The following BUD13 variants were observed in gnomAD, a reference collection of about 807,000 sequenced individuals.
BUD13 encodes the protein BUD13 spliceosome associated protein.
Under a neutral mutation model 62.5 loss-of-function variants are expected in BUD13, and 47 were observed. The observed-to-expected ratio is 0.75, with a 90% CI of 0.60 to 0.96. The LOEUF (loss-of-function observed/expected upper bound fraction) is 0.96, where lower values mean the gene tolerates loss of function less well. BUD13 is among the 40% of genes least tolerant of loss of function. BUD13 has a pLI of 0.00. For missense variants in BUD13, 821 were observed against 790.9 expected (o/e 1.04, Z -0.46); for synonymous variants, 293 against 280.1 (o/e 1.05, Z -0.46).
chr11:116,753,154 T>C (rs1398800356), intron 9 of BUD13, among the ~76,000 whole-genome samples: 1 of 152,194 alleles, frequency 6.6e-6, no homozygotes, highest in Non-Finnish European at 1.5e-5. Context: ...AAAAGAGATT[T>C]GCTGGAGGGC....
At chr11:116,749,951 G>T (rs576696594) in intron 9 of BUD13, among the ~76,000 whole-genome samples, 1 of 152,216 alleles carries the variant, frequency 6.6e-6, no homozygotes, top group Non-Finnish European at 1.5e-5. Flanking sequence ...GAGAGCACAA[G>T]AGTAGGAGCA....
chr11:116,755,608 C>T (rs1207407225), intron 9 of BUD13, among the ~76,000 whole-genome samples: 1 of 152,092 alleles, frequency 6.6e-6, no homozygotes, highest in Non-Finnish European at 1.5e-5. Flanking sequence ...ATGTGTGAGG[C>T]TAAATTTTCT....
At chr11:116,759,246 CAGTT>C (rs955075388) in intron 5 of BUD13, 67 bp from the exon 6 acceptor site, 12 of 1,064,134 alleles carry the variant, frequency 1.1e-5, no homozygotes, top group African/African-American at 1.1e-4. Flanking sequence ...CATGGGTACA[CAGTT>C]AGTTGCATTT....
At chr11:116,760,592 G>C in intron 5 of BUD13, 143 bp downstream of exon 5, 1 of 880,126 alleles carries the variant, frequency 1.1e-6, no homozygotes, top group Non-Finnish European at 1.7e-6. Flanking sequence ...CAGAAGGAAA[G>C]ACCTCCAAAG....
At chr11:116,766,711 T>C (rs1055301738) in intron 2 of BUD13, among the ~76,000 whole-genome samples, 1 of 152,256 alleles carries the variant, frequency 6.6e-6, no homozygotes, top group African/African-American at 2.4e-5. Context: ...TAATTATTCC[T>C]GTGCTGCCAC....
intron 7 of BUD13, 132 bp downstream of exon 7, chr11:116,758,137 T>TA (rs1565312444): frequency 1.4e-6 from 2 of 1,451,710 alleles, no homozygotes; most frequent in African/African-American, 2.8e-5. Flanking sequence ...AGGAAGAAGA[T>TA]TCAGCACACC....
chr11:116,752,242 G>A (rs180329), intron 9 of BUD13, among the ~76,000 whole-genome samples: 61,763 of 151,898 alleles, frequency 0.41, 12,898 homozygotes, highest in Non-Finnish European at 0.44. Context: ...CACCGCACCC[G>A]GCCCCGTTTC....
At chr11:116,760,408 G>C (rs1258106702) in intron 5 of BUD13, among the ~76,000 whole-genome samples, 1 of 152,228 alleles carries the variant, frequency 6.6e-6, no homozygotes, top group Non-Finnish European at 1.5e-5. Flanking sequence ...CAATGCTTGT[G>C]CTCCAAACTT....
Position 116,757,831 on chromosome 11 carries a change from C to T in BUD13, c.1619G>A (p.Arg540Lys), listed in dbSNP as rs1327420424. 1 of 1,614,176 alleles carries T rather than the reference C, an allele frequency of 6.2e-7. No homozygotes were observed. Among genetic ancestry groups the T allele is most frequent in the Non-Finnish European group, 8.5e-7 (1 of 1,180,032 alleles). ...DLDRMLREQE[R>K]EGDPMANFIK... ...GAAGTTGGCCATAGGGTCCCCCTCT[C>T]TTTCCTGTTCTCTTAGCATCCTATC... The change falls in exon 8 of 10, where the codon AGA becomes AAA. Residue 540 changes from arginine to lysine, a missense_variant. Physicochemically the swap from Arg to Lys is conservative, Grantham distance 26. Around this residue, in one of 2 missense-constraint regions of BUD13, gnomAD observed 800 missense variants for 739.2 expected, o/e 1.08. Coordinates refer to ENST00000260210, the MANE Select transcript of BUD13 (RefSeq NM_032725.4).
intron 9 of BUD13, among the ~76,000 whole-genome samples, chr11:116,751,326 G>C (rs956040013): frequency 1.3e-5 from 2 of 152,284 alleles, no homozygotes; most frequent in East Asian, 1.9e-4. Context: ...GAGTAACAGA[G>C]GGCTTTAAGA....
At chr11:116,748,653 A>G (rs1376353123) in intron 9 of BUD13, 78 bp from the exon 10 acceptor site, 4 of 1,379,802 alleles carry the variant, frequency 2.9e-6, no homozygotes, top group Non-Finnish European at 3.1e-6. Flanking sequence ...AAGAGTTCAC[A>G]ATATAATGAA....
At chr11:116,770,882 T>A (rs962680413) in intron 1 of BUD13, among the ~76,000 whole-genome samples, 13 of 152,018 alleles carry the variant, frequency 8.6e-5, no homozygotes, top group African/African-American at 3.1e-4. Context: ...CAGCCTTGAC[T>A]TCCCGGGGTT....
chr11:116,767,274 T>C (rs1258367910), intron 2 of BUD13, among the ~76,000 whole-genome samples: 1 of 149,830 alleles, frequency 6.7e-6, no homozygotes, highest in Non-Finnish European at 1.5e-5. Context: ...AATGAACATA[T>C]AAAAAATGAT....
At position 116,762,546 on chromosome 11, in the gene BUD13, T is replaced by A. The variant is rs1229237806; in HGVS notation, c.1036+7A>T. The A allele has an allele frequency of 1.3e-6, 2 of 1,596,552 alleles. No homozygotes were observed. Among genetic ancestry groups the A allele is most frequent in the Admixed American group, 3.4e-5 (2 of 58,626 alleles). ...TACATCCCTCTCATGGACAGTCATA[T>A]GCTCACCTTTGGAATCAAGCTGCTT... On this transcript the variant is annotated splice_region_variant and intron_variant, in intron 4 of 9. Transcript: ENST00000260210.
intron 9 of BUD13, among the ~76,000 whole-genome samples, chr11:116,752,570 T>C (rs1940255482): frequency 6.6e-6 from 1 of 152,108 alleles, no homozygotes; most frequent in African/African-American, 2.4e-5. Context: ...AAAAACTCGG[T>C]AGCAGGGAAC....
chr11:116,764,377 G>A (rs1197808642), intron 3 of BUD13, among the ~76,000 whole-genome samples: 2 of 152,232 alleles, frequency 1.3e-5, no homozygotes, highest in African/African-American at 4.8e-5. Context: ...AGAAAAGTAT[G>A]ATGTCTGTGG....
At position 116,749,627 on chromosome 11, in the gene BUD13, A is replaced by G. The variant is rs111447313; in HGVS notation, c.1767-1052T>C. Among the ~76,000 whole-genome samples, 532 of 152,346 alleles carry G rather than the reference A, an allele frequency of 3.5e-3. 6 individuals carry two copies. The highest frequency in any genetic ancestry group is 0.012 in the African/African-American group (513 of 41,582). On this transcript the variant is annotated intron_variant, in intron 9 of 9. Coordinates refer to ENST00000260210, the MANE Select transcript of BUD13 (RefSeq NM_032725.4). ...GTATGGCTGGAACCTGAAGTATGAC[A>G]AAGGGAACAGCCATGAGTCAAAGTT... is the stretch of plus-strand genomic sequence containing the variant.
At chr11:116,765,338 G>A in intron 3 of BUD13, 24 bp downstream of exon 3, 1 of 1,611,444 alleles carries the variant, frequency 6.2e-7, no homozygotes, top group Non-Finnish European at 8.5e-7. Flanking sequence ...TGGAAATTTA[G>A]ATTTATCTAT....
In BUD13 at chr11:116,760,746, G is replaced by C; in HGVS notation, c.1243C>G (p.Pro415Ala). Reference protein sequence around the residue: ...DLSPPRRSQPPGKKAAHMYSG... With the variant: ...DLSPPRRSQPAGKKAAHMYSG... The stretch of plus-strand genomic sequence containing the variant: ...CTGAAAATCCTGACCTTCTTTCCAG[G>C]AGGCTGACTCCTTCGAGGCGGGGAC... Residue 415 changes from proline to alanine, a missense_variant, in exon 5 of 10, where the codon CCT (proline) becomes GCT (alanine). Physicochemically the swap from Pro to Ala is conservative, Grantham distance 27. Transcript: ENST00000260210. 1 of 1,614,142 alleles carries C rather than the reference G, an allele frequency of 6.2e-7. No individual in the cohort carries two copies. Among genetic ancestry groups the C allele is most frequent in the Non-Finnish European group, 8.5e-7 (1 of 1,180,006 alleles).
Sources: allele counts gnomAD v4.1 joint callset (sites outside exome capture counted in the v4.1 genomes callset), GRCh38; gene constraint gnomAD v4.1.1; regional missense constraint gnomAD v4.1.1; transcripts MANE v1.5; gene names NCBI Gene and HGNC (gene_info 2026-07-23, HGNC 2026-07-21).